TMC6: variants seen among roughly 807,000 people sequenced by gnomAD.
The protein encoded by TMC6 is transmembrane channel-like protein 6.
TMC6 carries 71 observed loss-of-function variants against 95.4 expected under a neutral mutation model. The observed-to-expected ratio is 0.74, with a 90% CI of 0.61 to 0.91. The LOEUF (loss-of-function observed/expected upper bound fraction) is 0.91. Ranked by LOEUF, TMC6 falls within the 40% of genes least tolerant of loss-of-function variation. The probability of loss-of-function intolerance (pLI) is 0.00; values close to 1 mark genes in which losing one functional copy is unlikely to be tolerated. For synonymous variants in TMC6, 514 were observed against 483.1 expected (o/e 1.06, Z -0.84); for missense variants, 1,074 against 1,079.1 (o/e 1.00, Z 0.07).
At chr17:78,131,770 G>GT (rs749926936), upstream of TMC6, 1 of 1,563,530 alleles carries the variant, frequency 6.4e-7, no homozygotes, top group African/African-American at 1.4e-5. Flanking sequence ...ACGGTGCGTG[G>GT]GGGGGGTGCT....
At chr17:78,131,676 C>A (rs1037469341), upstream of TMC6, 6 of 1,572,848 alleles carry the variant, frequency 3.8e-6, no homozygotes, top group East Asian at 9.3e-5. Flanking sequence ...GGAGCGGCTG[C>A]GCGGCTCTGG....
In TMC6 at chr17:78,128,051, AACCCGGGGACTCGGGC is replaced by A. The variant is rs1405955276; in HGVS notation, c.-75+545_-75+560del. On this transcript the variant is annotated intron_variant, in intron 1 of 19. Transcript: ENST00000590602. This position sits in a 1 kb window ranked among gnomAD's most constrained non-coding sequence, Gnocchi z 4.0. Reference sequence around the variant, plus strand: ...CAGACAGGCCCTTCTAAGCTCAGGGAACCCGGGGACTCGGGCACCCAGCGCCCCAGCACTCCGCCCC... The same window carrying A: ...CAGACAGGCCCTTCTAAGCTCAGGGAACCCAGCGCCCCAGCACTCCGCCCC... Among the ~76,000 whole-genome samples, 1 of 152,186 alleles carries A rather than the reference AACCCGGGGACTCGGGC, an allele frequency of 6.6e-6. No individual in the cohort carries two copies. Among genetic ancestry groups the A allele is most frequent in the Non-Finnish European group, 1.5e-5 (1 of 68,008 alleles).
rs2074641732 is a variant in TMC6 at position 78,125,154 on chromosome 17, TCACCG to T, written c.535_536+3del. On this transcript the variant is annotated splice_donor_variant and splice_donor_region_variant and coding_sequence_variant and intron_variant, in exon 6 of 20. Transcript: ENST00000590602. LOFTEE classifies it high-confidence loss of function. ...GCGGCATGGTCAGGGTCGGGGCTGC[TCACCG>T]CAGGCTGCGTTTCTCAGCCAGGCTT... is the stretch of plus-strand genomic sequence containing the variant. The T allele has an allele frequency of 6.4e-7, 1 of 1,558,636 alleles. No individual in the cohort carries two copies. The highest frequency in any genetic ancestry group is 8.7e-7 in the Non-Finnish European group (1 of 1,151,464).
chr17:78,126,916 CAG>C lies in TMC6; in HGVS notation c.-74-12_-74-11del, dbSNP rs1045157498. The C allele has an allele frequency of 6.7e-5, 101 of 1,498,678 alleles. No individual in the cohort carries two copies. The highest frequency in any genetic ancestry group is 2.4e-4 in the Admixed American group (13 of 53,814). 92.8% of individuals were successfully genotyped at this position (1,498,678 alleles called of 1,614,324 possible). ...CCTCCGGAGCCCCCATCTGATGAGA[CAG>C]GGGCACAGAGCCAGGGGTGGTCTTC... On this transcript the variant is annotated splice_polypyrimidine_tract_variant and intron_variant, in intron 1 of 19. Coordinates refer to ENST00000590602, the MANE Select transcript of TMC6 (RefSeq NM_001127198.5).
Position 78,120,737 on chromosome 17 carries a change from A to G in TMC6, c.1631T>C (p.Phe544Ser). 1 of 1,613,822 alleles carries G rather than the reference A, an allele frequency of 6.2e-7. No individual in the cohort carries two copies. Among genetic ancestry groups the G allele is most frequent in the Non-Finnish European group, 8.5e-7 (1 of 1,179,984 alleles). The part of the protein sequence containing the change: ...GVLQGQCWED[F>S]VGQELYRFLV... Reference sequence around the variant, plus strand: ...GAACCGGTACAGCTCCTGGCCCACAAAATCCTCCCAGCACTGGCCCTGCAG... The same window carrying G: ...GAACCGGTACAGCTCCTGGCCCACAGAATCCTCCCAGCACTGGCCCTGCAG... Residue 544 changes from phenylalanine to serine, a missense_variant, in exon 13 of 20, where the codon TTT (phenylalanine) becomes TCT (serine). Transcript: ENST00000590602.
intron 9 of TMC6, among the ~76,000 whole-genome samples, chr17:78,123,632 G>C (rs1229954752): frequency 1.3e-5 from 2 of 150,702 alleles, no homozygotes; most frequent in African/African-American, 4.9e-5. Context: ...TGGGTGGATG[G>C]GTGGGTGAAC....
rs2073775441 is a variant in TMC6, at chr17:78,109,244, CAG to C, written c.*3902_*3903del. The C allele has an allele frequency of 2.9e-6, 1 of 350,474 alleles. No homozygotes were observed. Among genetic ancestry groups the C allele is most frequent in the Non-Finnish European group, 5.7e-6 (1 of 175,948 alleles). The allele number at this position is 350,474 out of a possible 1,614,324, so 21.7% of individuals were successfully genotyped here. ...CCAATGGGGGAGAAGCCAGCAGACACAGAGGCATCATGGCGAGCCCCGACTGA... is the reference window on the plus strand; with the variant it reads ...CCAATGGGGGAGAAGCCAGCAGACACAGGCATCATGGCGAGCCCCGACTGA... On this transcript the variant is annotated 3_prime_UTR_variant, in exon 20 of 20. Transcript: ENST00000590602.
At chr17:78,117,394 A>G (rs751808640) in intron 17 of TMC6, 47 bp from the exon 18 acceptor site, 1 of 1,612,308 alleles carries the variant, frequency 6.2e-7, no homozygotes, top group South Asian at 1.1e-5. Context: ...ACAGCCCGGG[A>G]GCGGCCAGTC....
rs1407859484 is a variant in TMC6, at chr17:78,128,698, T to C, written c.-161A>G. ...AGCCGCCGGGAACTGAGGTCTCGGC[T>C]CTCCTTGCCAAGGGAGTGGCAAAGG... On this transcript the variant is annotated 5_prime_UTR_variant, in exon 1 of 20. Coordinates refer to ENST00000590602, the MANE Select transcript of TMC6 (RefSeq NM_001127198.5). The surrounding 1 kb of genome is among the most constrained non-coding windows in gnomAD (Gnocchi z 4.0). 1 of 146,526 alleles carries C rather than the reference T, an allele frequency of 6.8e-6. No homozygotes were observed. Among genetic ancestry groups the C allele is most frequent in the Non-Finnish European group, 1.5e-5 (1 of 66,720 alleles). The allele number at this position is 146,526 out of a possible 1,614,324, so 9.1% of individuals were successfully genotyped here.
At chr17:78,119,832 G>A in intron 13 of TMC6, 1 of 364,864 alleles carries the variant, frequency 2.7e-6, no homozygotes, top group Non-Finnish European at 5.2e-6. Context: ...TATTTCTTTA[G>A]AGACAAGGTC....
At chr17:78,132,027 G>T, upstream of TMC6, 1 of 1,533,982 alleles carries the variant, frequency 6.5e-7, no homozygotes, top group Non-Finnish European at 8.7e-7. Context: ...CTACGAGATC[G>T]GGGGTAGGAC....
intron 18 of TMC6, among the ~76,000 whole-genome samples, chr17:78,114,386 T>A (rs978382147): frequency 6.6e-6 from 1 of 152,142 alleles, no homozygotes; most frequent in Admixed American, 6.5e-5. Context: ...CTGGCAACTT[T>A]AATTCTACCT....
In TMC6 at chr17:78,119,116, A is replaced by G. The variant is rs563351354; in HGVS notation, c.1812-70T>C. ...CTCCCCGAGATCAGGCTGGTTCCAGACCACGGGCAGGGCATGTGACAGTGG... is the reference window on the plus strand; with the variant it reads ...CTCCCCGAGATCAGGCTGGTTCCAGGCCACGGGCAGGGCATGTGACAGTGG... On this transcript the variant is annotated intron_variant, in intron 14 of 19. Coordinates refer to ENST00000590602, the MANE Select transcript of TMC6 (RefSeq NM_001127198.5). 22 of 1,527,432 alleles carry G rather than the reference A, an allele frequency of 1.4e-5. No homozygotes were observed. In the East Asian group the frequency reaches 4.3e-4, roughly 30 times the overall value. 94.6% of individuals were successfully genotyped at this position (1,527,432 alleles called of 1,614,324 possible).
rs200492899 is a variant in TMC6 at position 78,124,486 on chromosome 17, C to G, written c.891+38G>C. ...AACACGGTACCAGGGTAGCAGAAGA[C>G]AGGCACCCCCCGTCCCCCAGTCCTA... On this transcript the variant is annotated intron_variant, in intron 8 of 19. Coordinates refer to ENST00000590602, the MANE Select transcript of TMC6 (RefSeq NM_001127198.5). 390 of 1,601,716 alleles carry G rather than the reference C, an allele frequency of 2.4e-4. 2 individuals carry two copies. The African/African-American group carries it at 4.7e-3, about 19-fold the overall frequency.
rs765379006 is a variant in TMC6 at position 78,112,759 on chromosome 17, T to C, written c.*389A>G. 5.3e-4 allele frequency: 166 copies of C among 315,562 alleles called. No individual in the cohort carries two copies. The highest frequency in any genetic ancestry group is 8.6e-4 in the Non-Finnish European group (144 of 167,440). The allele number at this position is 315,562 out of a possible 1,614,324, so 19.5% of individuals were successfully genotyped here. On this transcript the variant is annotated 3_prime_UTR_variant, in exon 20 of 20. Transcript: ENST00000590602. Reference sequence around the variant, plus strand: ...CAAAGGCAGCAAGCGAATCAAGCCCTGGCGCGGTCCAGCCCCTGCCATCTG... The same window carrying C: ...CAAAGGCAGCAAGCGAATCAAGCCCCGGCGCGGTCCAGCCCCTGCCATCTG...
chr17:78,116,462 G>A (rs1346283033), intron 18 of TMC6, among the ~76,000 whole-genome samples: 7 of 151,862 alleles, frequency 4.6e-5, no homozygotes, highest in Non-Finnish European at 7.4e-5. Context: ...TTATAGAGAC[G>A]AGGTTTCACT....
rs374253018 is a variant in TMC6 at position 78,122,342 on chromosome 17, C to CGA, written c.1227+262_1227+263insTC. Among the ~76,000 whole-genome samples, 567 of 152,028 alleles carry CGA rather than the reference C, an allele frequency of 3.7e-3. 5 individuals are homozygous for CGA. Among genetic ancestry groups the CGA allele is most frequent in the African/African-American group, 0.012 (503 of 41,452 alleles). On this transcript the variant is annotated intron_variant, in intron 10 of 19. Transcript: ENST00000590602. This position sits in a 1 kb window ranked among gnomAD's most constrained non-coding sequence, Gnocchi z 4.9. ...GGCCTGAGGCCTCAGGGCTGGCTCC[C>CGA]GGGTGCCCACGGGGCCATGGCGCTA...
rs2074864485 is a variant in TMC6 at position 78,128,614 on chromosome 17, G to A, written c.-77C>T. 6.6e-6 allele frequency: 1 copy of A among 152,408 alleles called. No homozygotes were observed. The highest frequency in any genetic ancestry group is 6.5e-5 in the Admixed American group (1 of 15,286). 9.4% of individuals were successfully genotyped at this position (152,408 alleles called of 1,614,324 possible). On this transcript the variant is annotated splice_region_variant and 5_prime_UTR_variant, in exon 1 of 20. Transcript: ENST00000590602. The surrounding 1 kb of genome is among the most constrained non-coding windows in gnomAD (Gnocchi z 4.0). ...GGACCGGGATCGCGGCCGCTCACCT[G>A]GGAGGCGCCGGGGAGGAGGGGCCGC...
At chr17:78,116,254 G>A (rs1256165846) in intron 18 of TMC6, among the ~76,000 whole-genome samples, 1 of 150,980 alleles carries the variant, frequency 6.6e-6, no homozygotes, top group African/African-American at 2.4e-5. Context: ...TGGGATTAGA[G>A]GCCTGAGCCC....
Sources: allele counts gnomAD v4.1 joint callset (sites outside exome capture counted in the v4.1 genomes callset), GRCh38; gene constraint gnomAD v4.1.1; non-coding constraint Gnocchi (gnomAD v3.1); transcripts MANE v1.5; gene names NCBI Gene and HGNC (gene_info 2026-07-23, HGNC 2026-07-21).